Variants in TMTC2 observed in about 807,000 individuals in gnomAD.
The protein encoded by TMTC2 is protein O-mannosyl-transferase TMTC2.
TMTC2 carries 43 observed loss-of-function variants against 82.4 expected under a neutral mutation model. The observed-to-expected ratio is 0.52, with a 90% CI of 0.41 to 0.67. TMTC2 has a LOEUF of 0.67. TMTC2 is among the 30% of genes least tolerant of loss of function. The probability of loss-of-function intolerance (pLI) is 0.00; values close to 1 mark genes in which losing one functional copy is unlikely to be tolerated. For missense variants in TMTC2, 919 were observed against 1,012.4 expected (o/e 0.91, Z 1.25); for synonymous variants, 408 against 381.9 (o/e 1.07, Z -0.80).
At chr12:82,960,740 G>A (rs1035991888) in intron 4 of TMTC2, among the ~76,000 whole-genome samples, 31 of 151,884 alleles carry the variant, frequency 2.0e-4, no homozygotes, top group African/African-American at 7.5e-4. Flanking sequence ...ACAGCATCAT[G>A]CAATATATAC....
intron 8 of TMTC2, among the ~76,000 whole-genome samples, chr12:83,029,865 TCAC>T (rs573495660): frequency 1.6e-3 from 246 of 152,328 alleles, no homozygotes; most frequent in Non-Finnish European, 2.9e-3. Context: ...ATGTAAACGT[TCAC>T]CCCTGTTTTT....
rs1183059131 is a variant in TMTC2 at position 82,965,067 on chromosome 12, CATT to C, written c.1648_1650del (p.Tyr550del). The C allele has an allele frequency of 6.2e-7, 1 of 1,612,528 alleles. No homozygotes were observed. Among genetic ancestry groups the C allele is most frequent in the Admixed American group, 1.7e-5 (1 of 59,922 alleles). On this transcript the variant is annotated inframe_deletion, in exon 5 of 12. Transcript: ENST00000321196. Reference sequence around the variant, plus strand: ...GAACAGCAGGTTTGCAGAAGCACTACATTATTATAAATTGGCCATTGGGAGCAG... The same window carrying C: ...GAACAGCAGGTTTGCAGAAGCACTACATTATAAATTGGCCATTGGGAGCAG...
intron 1 of TMTC2, among the ~76,000 whole-genome samples, chr12:82,704,471 A>G (rs1565714856): frequency 1.3e-5 from 2 of 152,156 alleles, no homozygotes; most frequent in South Asian, 2.1e-4. Flanking sequence ...GCATTTGAAG[A>G]AAATCTTTTG....
intron 1 of TMTC2, among the ~76,000 whole-genome samples, chr12:82,702,141 C>A (rs529782452): frequency 6.6e-6 from 1 of 152,066 alleles, no homozygotes; most frequent in Non-Finnish European, 1.5e-5. Context: ...TAATTAATAA[C>A]GTTTGGAGTA....
At chr12:83,099,979 G>A (rs187730226) in intron 11 of TMTC2, among the ~76,000 whole-genome samples, 143 of 151,254 alleles carry the variant, frequency 9.5e-4, no homozygotes, top group Middle Eastern at 3.4e-3. Context: ...TAGTACAGTC[G>A]CGCAATCTCG....
chr12:82,974,993 T>C (rs925017603), intron 7 of TMTC2, among the ~76,000 whole-genome samples: 1 of 152,150 alleles, frequency 6.6e-6, no homozygotes. Flanking sequence ...AGAAGAGTTC[T>C]AATTTCTGTG....
At chr12:82,844,447 A>G (rs1870517038) in intron 1 of TMTC2, among the ~76,000 whole-genome samples, 1 of 152,176 alleles carries the variant, frequency 6.6e-6, no homozygotes, top group African/African-American at 2.4e-5. Context: ...ATAGACCAAG[A>G]CCATGCACAA....
chr12:82,909,572 C>T (rs1006133700), intron 3 of TMTC2, among the ~76,000 whole-genome samples: 1 of 151,998 alleles, frequency 6.6e-6, no homozygotes, highest in African/African-American at 2.4e-5. Context: ...ATTCTCCTGA[C>T]CTTGTGATCC....
At chr12:82,940,724 T>C (rs1259929282) in intron 4 of TMTC2, among the ~76,000 whole-genome samples, 1 of 149,078 alleles carries the variant, frequency 6.7e-6, no homozygotes, top group Non-Finnish European at 1.5e-5. Flanking sequence ...CTTTCTATCC[T>C]ACCCCCACCT....
intron 1 of TMTC2, chr12:82,758,420 A>G (rs915250457): frequency 6.6e-6 from 1 of 152,170 alleles, no homozygotes; most frequent in African/African-American, 2.4e-5. Context: ...CACAATATCA[A>G]AAAATGGTGT....
intron 1 of TMTC2, among the ~76,000 whole-genome samples, chr12:82,753,451 T>C (rs1236804820): frequency 6.6e-6 from 1 of 151,624 alleles, no homozygotes; most frequent in African/African-American, 2.4e-5. Flanking sequence ...ATTTTAAAAG[T>C]AAATATAATG....
At chr12:83,020,335 G>A (rs1304757519) in intron 8 of TMTC2, among the ~76,000 whole-genome samples, 2 of 152,156 alleles carry the variant, frequency 1.3e-5, no homozygotes, top group African/African-American at 2.4e-5. Flanking sequence ...TTAATGTATT[G>A]TGGAAATTTC....
At chr12:82,696,531 C>A (rs191531498) in intron 1 of TMTC2, among the ~76,000 whole-genome samples, 109 of 152,260 alleles carry the variant, frequency 7.2e-4, no homozygotes, top group African/African-American at 2.4e-3. Context: ...ATTTGAAATA[C>A]CCAGTTGAAA....
intron 3 of TMTC2, among the ~76,000 whole-genome samples, chr12:82,898,446 T>G (rs1873789734): frequency 6.6e-6 from 1 of 152,190 alleles, no homozygotes; most frequent in Admixed American, 6.5e-5. Flanking sequence ...TTTATTAAAT[T>G]TATTAAGTTT....
chr12:83,132,224 G>A lies in TMTC2; in HGVS notation c.2346G>A (p.Leu782=). Residue 782 remains leucine, a synonymous_variant, in exon 12 of 12, where the codon TTG becomes TTA. Transcript: ENST00000321196. ...ARLRPNYPAA[L]MNLGAILHLN... ...TCTTGTTGCAGTATCCGGCTGCTTTGATGAACCTGGGAGCCATTCTGCACC... is the reference window on the plus strand; with the variant it reads ...TCTTGTTGCAGTATCCGGCTGCTTTAATGAACCTGGGAGCCATTCTGCACC... 1.2e-6 allele frequency: 2 copies of A among 1,608,174 alleles called. No individual in the cohort carries two copies. Among genetic ancestry groups the A allele is most frequent in the Non-Finnish European group, 1.7e-6 (2 of 1,177,968 alleles).
intron 11 of TMTC2, among the ~76,000 whole-genome samples, chr12:83,116,516 G>T (rs1884767056): frequency 6.6e-6 from 1 of 152,178 alleles, no homozygotes; most frequent in Non-Finnish European, 1.5e-5. Flanking sequence ...TCTCCACACT[G>T]TTTTCCATAG....
chr12:83,092,164 C>T (rs900980836), intron 11 of TMTC2, among the ~76,000 whole-genome samples: 3 of 152,308 alleles, frequency 2.0e-5, no homozygotes, highest in East Asian at 1.9e-4. Context: ...CTCTTCCTGG[C>T]CTCCAGGATG....
At chr12:83,037,134 C>T (rs1306054246) in intron 9 of TMTC2, among the ~76,000 whole-genome samples, 1 of 152,138 alleles carries the variant, frequency 6.6e-6, no homozygotes, top group Admixed American at 6.6e-5. Context: ...ATATCCAAAC[C>T]GTAGCAGATA....
At chr12:83,051,754 A>G (rs966964098) in intron 10 of TMTC2, among the ~76,000 whole-genome samples, 1 of 152,122 alleles carries the variant, frequency 6.6e-6, no homozygotes, top group Non-Finnish European at 1.5e-5. Context: ...TCATGAAACA[A>G]TACATTTTTT....
Sources: allele counts gnomAD v4.1 joint callset (sites outside exome capture counted in the v4.1 genomes callset), GRCh38; gene constraint gnomAD v4.1.1; transcripts MANE v1.5; gene names NCBI Gene and HGNC (gene_info 2026-07-23, HGNC 2026-07-21).